The following LUZP2 variants were observed in gnomAD, a reference collection of about 807,000 sequenced individuals.
LUZP2 encodes the protein leucine zipper protein 2.
A neutral mutation model predicts 51.6 loss-of-function variants in LUZP2; 52 were observed. The observed-to-expected ratio is 1.01, with a 90% CI of 0.81 to 1.27. The LOEUF is 1.27. LUZP2 is among the 50% of genes most tolerant of loss of function. The pLI is 0.00. For synonymous variants in LUZP2, 154 were observed against 137.3 expected (o/e 1.12, Z -0.85); for missense variants, 436 against 395.4 (o/e 1.10, Z -0.87).
Position 24,834,919 on chromosome 11 carries a change from T to C in LUZP2, c.397-71072T>C, listed in dbSNP as rs12281257. On this transcript the variant is annotated intron_variant, in intron 5 of 11. Coordinates refer to ENST00000336930, the MANE Select transcript of LUZP2 (RefSeq NM_001009909.4). ...TTGAGAAGTGTCTTTTCAGTTTCTT[T>C]GCCCACTTTTTGATAGGGTTGTTTG... 3.6e-3 allele frequency among the ~76,000 whole-genome samples: 555 copies of C among 152,348 alleles called. 2 individuals carry two copies. The highest frequency in any genetic ancestry group is 0.013 in the African/African-American group (539 of 41,586).
rs1050470837 is a variant in LUZP2, at chr11:24,977,717, C to G, written c.597+1052C>G. On this transcript the variant is annotated intron_variant, in intron 8 of 11. Coordinates refer to ENST00000336930, the MANE Select transcript of LUZP2 (RefSeq NM_001009909.4). ...AGGTAATAAATATATGTATGTTGCA[C>G]ATATGCCCATAATATGTATGTATAT... Among the ~76,000 whole-genome samples, 14 of 151,528 alleles carry G rather than the reference C, an allele frequency of 9.2e-5. No individual in the cohort carries two copies. In the South Asian group the frequency reaches 1.0e-3, roughly 11 times the overall value.
chr11:24,568,149 T>C (rs1186099261), intron 1 of LUZP2, among the ~76,000 whole-genome samples: 2 of 151,894 alleles, frequency 1.3e-5, no homozygotes, highest in African/African-American at 2.4e-5. Flanking sequence ...AAAAAAGTAT[T>C]AGGAGTTCGA....
intron 5 of LUZP2, among the ~76,000 whole-genome samples, chr11:24,829,199 G>A (rs1352179260): frequency 7.9e-5 from 12 of 152,130 alleles, no homozygotes; most frequent in African/African-American, 2.9e-4. Context: ...ACAAAGGAGA[G>A]AGGGGAGTGA....
At chr11:24,595,726 C>A (rs920682718) in intron 1 of LUZP2, among the ~76,000 whole-genome samples, 1 of 152,108 alleles carries the variant, frequency 6.6e-6, no homozygotes, top group African/African-American at 2.4e-5. Flanking sequence ...AGAGATGATG[C>A]AGGACTGTAA....
chr11:24,602,076 A>ATATATGTG (rs1258073115), intron 1 of LUZP2, among the ~76,000 whole-genome samples: 1 of 125,204 alleles, frequency 8.0e-6, no homozygotes, highest in Non-Finnish European at 1.6e-5. Flanking sequence ...ATATATGCGT[A>ATATATGTG]TATATGTGTA....
chr11:24,663,841 T>G, intron 1 of LUZP2, among the ~76,000 whole-genome samples: 1 of 152,196 alleles, frequency 6.6e-6, no homozygotes, highest in East Asian at 1.9e-4. Context: ...TTGGCTCTCA[T>G]TCTTGTCTTT....
chr11:24,612,078 G>A (rs1364909343), intron 1 of LUZP2, among the ~76,000 whole-genome samples: 1 of 151,980 alleles, frequency 6.6e-6, no homozygotes, highest in Non-Finnish European at 1.5e-5. Flanking sequence ...AGGAAGGAAG[G>A]GAGTTGAAAT....
At chr11:24,912,516 A>G (rs1351495757) in intron 6 of LUZP2, among the ~76,000 whole-genome samples, 1 of 152,062 alleles carries the variant, frequency 6.6e-6, no homozygotes, top group African/African-American at 2.4e-5. Flanking sequence ...GCATAATTAG[A>G]AATATTCTGG....
intron 5 of LUZP2, chr11:24,891,017 C>T (rs1286646943): frequency 6.1e-6 from 6 of 979,338 alleles, no homozygotes; most frequent in Admixed American, 1.3e-4. Flanking sequence ...TATCACTCTA[C>T]GTTTATTCAT....
At chr11:24,973,123 A>C (rs1312327211) in intron 7 of LUZP2, among the ~76,000 whole-genome samples, 1 of 142,782 alleles carries the variant, frequency 7.0e-6, no homozygotes, top group Admixed American at 7.2e-5. Flanking sequence ...TTTAGAACTC[A>C]TTATTGGACT....
intron 7 of LUZP2, among the ~76,000 whole-genome samples, chr11:24,967,323 G>A (rs1464260278): frequency 1.3e-5 from 2 of 151,788 alleles, no homozygotes; most frequent in Non-Finnish European, 2.9e-5. Flanking sequence ...GTGTTCAACA[G>A]CAAAAATATT....
rs188379586 is a variant in LUZP2 at position 25,025,103 on chromosome 11, G to C, written c.766-24935G>C. Among the ~76,000 whole-genome samples the C allele has an allele frequency of 1.1e-4, 17 of 152,164 alleles. No homozygotes were observed. In the East Asian group the frequency reaches 3.3e-3, roughly 29 times the overall value. On this transcript the variant is annotated intron_variant, in intron 9 of 11. Transcript: ENST00000336930. The stretch of plus-strand genomic sequence containing the variant: ...AAATTGCCTAGCCATATGTAGAAAG[G>C]TGAAATTGGATCCCTTCCTTATACC...
intron 1 of LUZP2, among the ~76,000 whole-genome samples, chr11:24,571,830 T>C (rs1852452836): frequency 6.6e-6 from 1 of 152,080 alleles, no homozygotes; most frequent in African/African-American, 2.4e-5. Flanking sequence ...TATCCACCTA[T>C]TTACTTATAT....
chr11:25,012,671 TATC>T (rs1590833616), intron 9 of LUZP2, among the ~76,000 whole-genome samples: 1 of 152,154 alleles, frequency 6.6e-6, no homozygotes, highest in African/African-American at 2.4e-5. Flanking sequence ...TTCAGGGAGA[TATC>T]ATCTTATCCC....
At chr11:24,780,101 T>G (rs1849045524) in intron 5 of LUZP2, among the ~76,000 whole-genome samples, 1 of 152,130 alleles carries the variant, frequency 6.6e-6, no homozygotes. Context: ...CATCACTCAA[T>G]CTGTGGTAAT....
intron 1 of LUZP2, among the ~76,000 whole-genome samples, chr11:24,580,063 A>G (rs541684097): frequency 1.3e-5 from 2 of 152,190 alleles, no homozygotes; most frequent in South Asian, 2.1e-4. Context: ...AGGTTTTTTT[A>G]TGATTCTTAA....
rs572742923 is a variant in LUZP2 at position 24,515,585 on chromosome 11, T to C, written c.62+18280T>C. 5.3e-5 allele frequency among the ~76,000 whole-genome samples: 8 copies of C among 152,234 alleles called. No individual in the cohort carries two copies. The South Asian group carries it at 1.2e-3, about 24-fold the overall frequency. On this transcript the variant is annotated intron_variant, in intron 1 of 11. Coordinates refer to ENST00000336930, the MANE Select transcript of LUZP2 (RefSeq NM_001009909.4). ...AGTTTCCCAGCTCTGGGAATAGCTG[T>C]GTAAGGTGTCACAGAAGTAATGACT...
At chr11:24,810,627 A>G (rs1849990974) in intron 5 of LUZP2, among the ~76,000 whole-genome samples, 1 of 152,176 alleles carries the variant, frequency 6.6e-6, no homozygotes, top group Admixed American at 6.5e-5. Flanking sequence ...TAAGATACAC[A>G]AGTAAGATAG....
At chr11:25,037,429 A>C (rs1321954010) in intron 9 of LUZP2, among the ~76,000 whole-genome samples, 1 of 152,120 alleles carries the variant, frequency 6.6e-6, no homozygotes, top group East Asian at 1.9e-4. Flanking sequence ...TGTATCTTTT[A>C]AATCAAATGT....
Sources: allele counts gnomAD v4.1 joint callset (sites outside exome capture counted in the v4.1 genomes callset), GRCh38; gene constraint gnomAD v4.1.1; transcripts MANE v1.5; gene names NCBI Gene and HGNC (gene_info 2026-07-23, HGNC 2026-07-21).